DZIP1: variants seen among roughly 807,000 people sequenced by gnomAD.
The protein encoded by DZIP1 is DAZ interacting zinc finger protein 1, also known as cilium assembly protein DZIP1.
Under a neutral mutation model 107.6 loss-of-function variants are expected in DZIP1, and 97 were observed. That is an observed-to-expected ratio of 0.90 (90% CI 0.77 to 1.07). DZIP1 has a LOEUF of 1.07. DZIP1 is among the 50% of genes least tolerant of loss of function. The probability of loss-of-function intolerance (pLI) is 0.00; values close to 1 mark genes in which losing one functional copy is unlikely to be tolerated. For missense variants in DZIP1, 1,035 were observed against 1,063.6 expected (o/e 0.97, Z 0.37); for synonymous variants, 390 against 386.4 (o/e 1.01, Z -0.11).
intron 7 of DZIP1, among the ~76,000 whole-genome samples, chr13:95,627,918 T>G (rs1876735622): frequency 6.6e-6 from 1 of 152,192 alleles, no homozygotes; most frequent in Admixed American, 6.5e-5. Context: ...ATAAACAAAT[T>G]GTCTATGCAT....
intron 11 of DZIP1, 76 bp from the exon 12 acceptor site, chr13:95,611,569 A>G (rs374187637): frequency 2.0e-4 from 238 of 1,186,584 alleles, no homozygotes; most frequent in Non-Finnish European, 2.3e-4. Context: ...TGGACAGATA[A>G]TGTTGTTAGT....
intron 11 of DZIP1, among the ~76,000 whole-genome samples, 156 bp downstream of exon 11, chr13:95,611,881 T>C (rs2045019231): frequency 6.6e-6 from 1 of 152,220 alleles, no homozygotes; most frequent in Non-Finnish European, 1.5e-5. Context: ...TAAAAATGTA[T>C]TTTATTGCAC....
intron 21 of DZIP1, among the ~76,000 whole-genome samples, chr13:95,585,443 T>C (rs2044135754): frequency 6.6e-6 from 1 of 152,218 alleles, no homozygotes; most frequent in African/African-American, 2.4e-5. Context: ...ATAAAAGTAA[T>C]TTGACAAAAT....
intron 16 of DZIP1, among the ~76,000 whole-genome samples, chr13:95,592,888 C>A (rs1255058936): frequency 6.6e-6 from 1 of 152,124 alleles, no homozygotes; most frequent in Non-Finnish European, 1.5e-5. Flanking sequence ...GTGTATGACT[C>A]CACTTTTATG....
intron 8 of DZIP1, 121 bp from the exon 9 acceptor site, chr13:95,622,601 A>G (rs1284650339): frequency 4.9e-6 from 5 of 1,012,846 alleles, no homozygotes; most frequent in Non-Finnish European, 7.4e-6. Context: ...ACGCTCCTGG[A>G]CGCTCTTGGA....
chr13:95,638,636 AACAC>A (rs3051404), intron 5 of DZIP1, among the ~76,000 whole-genome samples: 16 of 149,776 alleles, frequency 1.1e-4, no homozygotes, highest in East Asian at 4.0e-4. Context: ...CCTTATACAC[AACAC>A]ACACACACAC....
Position 95,606,060 on chromosome 13 carries a change from C to T in DZIP1, c.1421-1G>A. The T allele has an allele frequency of 6.2e-7, 1 of 1,613,620 alleles. No homozygotes were observed. The highest frequency in any genetic ancestry group is 8.5e-7 in the Non-Finnish European group (1 of 1,179,792). ...AAAGTGTGCAGGGCTGGGGCATTCA[C>T]TGAAACAGCATAAAAAGGAAAAACT... On this transcript the variant is annotated splice_acceptor_variant, in intron 13 of 22. Transcript: ENST00000376829. LOFTEE classifies it high-confidence loss of function.
intron 14 of DZIP1, among the ~76,000 whole-genome samples, chr13:95,605,242 A>T (rs1001200531): frequency 2.6e-5 from 4 of 152,228 alleles, no homozygotes; most frequent in African/African-American, 7.2e-5. Context: ...CAAAAATGAA[A>T]GAGTGAAATA....
At position 95,610,111 on chromosome 13, in the gene DZIP1, T is replaced by TGTGTGTGTGTGTGTGA. The variant is rs368276400; in HGVS notation, c.1364-599_1364-598insTCACACACACACACAC. Among the ~76,000 whole-genome samples the TGTGTGTGTGTGTGTGA allele has an allele frequency of 1.4e-3, 182 of 126,738 alleles. 2 individuals carry two copies. The highest frequency in any genetic ancestry group is 2.2e-3 in the Non-Finnish European group (126 of 58,220). 83.1% of individuals were successfully genotyped at this position (126,738 alleles called of 152,430 possible). A position where few individuals can be genotyped will look rare whatever the true frequency, so the allele number is the denominator to read the frequency against. On this transcript the variant is annotated intron_variant, in intron 12 of 22. Transcript: ENST00000376829. The stretch of plus-strand genomic sequence containing the variant: ...GTGTGTGTGTGTGTGTGTGTGTGTG[T>TGTGTGTGTGTGTGTGA]GAGAGAGAGACAGAGAGAGAGAGAC...
chr13:95,584,075 C>A (rs2044079670), intron 22 of DZIP1, among the ~76,000 whole-genome samples: 1 of 151,978 alleles, frequency 6.6e-6, no homozygotes, highest in Non-Finnish European at 1.5e-5. Context: ...TTCCCAGGTT[C>A]AAGCAATTCT....
At chr13:95,612,489 A>G (rs1432685479) in intron 10 of DZIP1, among the ~76,000 whole-genome samples, 1 of 152,206 alleles carries the variant, frequency 6.6e-6, no homozygotes, top group Non-Finnish European at 1.5e-5. Context: ...TCTCCTGCAG[A>G]GTGGCTCTGA....
rs1555308785 is a variant in DZIP1 at position 95,610,111 on chromosome 13, TGA to T, written c.1364-600_1364-599del. ...GTGTGTGTGTGTGTGTGTGTGTGTG[TGA>T]GAGAGAGACAGAGAGAGAGAGACAG... On this transcript the variant is annotated intron_variant, in intron 12 of 22. Coordinates refer to ENST00000376829, the MANE Select transcript of DZIP1 (RefSeq NM_198968.4). Among the ~76,000 whole-genome samples the T allele has an allele frequency of 1.8e-4, 23 of 126,770 alleles. No individual in the cohort carries two copies. In the South Asian group the frequency reaches 2.5e-3, roughly 14 times the overall value. 83.2% of individuals were successfully genotyped at this position (126,770 alleles called of 152,430 possible).
chr13:95,637,688 G>A (rs1877983236), intron 5 of DZIP1, among the ~76,000 whole-genome samples: 1 of 151,710 alleles, frequency 6.6e-6, no homozygotes, highest in East Asian at 1.9e-4. Context: ...TAGCAAGAAG[G>A]TGGCTGTTTA....
In DZIP1 at chr13:95,611,371, C is replaced by T. The variant is rs971580428; in HGVS notation, c.1363+74G>A. On this transcript the variant is annotated intron_variant, in intron 12 of 22. Coordinates refer to ENST00000376829, the MANE Select transcript of DZIP1 (RefSeq NM_198968.4). The stretch of plus-strand genomic sequence containing the variant: ...TCTTAGCACACATAAACAAGTGGGG[C>T]CCACATTCTTCTGAAGCCCAGTGCA... The T allele has an allele frequency of 3.5e-6, 4 of 1,152,360 alleles. No homozygotes were observed. The African/African-American group carries it at 4.6e-5, about 13-fold the overall frequency. 71.4% of individuals were successfully genotyped at this position (1,152,360 alleles called of 1,614,324 possible).
Position 95,641,284 on chromosome 13 carries a change from C to A in DZIP1, c.597+11G>T. 6.4e-7 allele frequency: 1 copy of A among 1,564,718 alleles called. No individual in the cohort carries two copies. Among genetic ancestry groups the A allele is most frequent in the Non-Finnish European group, 8.7e-7 (1 of 1,149,766 alleles). Reference sequence around the variant, plus strand: ...CTGGATTATGAATCGTGCTCACACACAGCTGCCCACCTGGTAATAGTTGGC... The same window carrying A: ...CTGGATTATGAATCGTGCTCACACAAAGCTGCCCACCTGGTAATAGTTGGC... On this transcript the variant is annotated intron_variant, in intron 5 of 22. Coordinates refer to ENST00000376829, the MANE Select transcript of DZIP1 (RefSeq NM_198968.4). This position sits in a 1 kb window ranked among gnomAD's most constrained non-coding sequence, Gnocchi z 4.3.
At chr13:95,594,252 G>A (rs1432013201) in intron 15 of DZIP1, among the ~76,000 whole-genome samples, 166 bp from the exon 16 acceptor site, 2 of 152,176 alleles carry the variant, frequency 1.3e-5, no homozygotes, top group African/African-American at 4.8e-5. Flanking sequence ...GAATGCTTAA[G>A]TTATGCAGCT....
At position 95,617,490 on chromosome 13, in the gene DZIP1, C is replaced by A. The variant is rs928889496; in HGVS notation, c.1173+2395G>T. 3.3e-5 allele frequency among the ~76,000 whole-genome samples: 5 copies of A among 152,190 alleles called. No individual in the cohort carries two copies. The South Asian group carries it at 1.0e-3, about 32-fold the overall frequency. On this transcript the variant is annotated intron_variant, in intron 10 of 22. Transcript: ENST00000376829. ...CGGACATTGAGAAGAGAAATACATG[C>A]CATCTTCACCCACTCAATTTGTGGT... is the stretch of plus-strand genomic sequence containing the variant.
chr13:95,594,084 T>A lies in DZIP1; in HGVS notation c.1540A>T (p.Arg514Trp). The A allele has an allele frequency of 6.3e-7, 1 of 1,593,870 alleles. No homozygotes were observed. The highest frequency in any genetic ancestry group is 8.5e-7 in the Non-Finnish European group (1 of 1,171,776). ...TTATTTAATTTCTGTTCATTTTCCC[T>A]TCCTGAAATAAGGTTTTAAAAATGT... ...IEELSEEEKGRENEQKLNNNK... is the reference protein window; with the variant it reads ...IEELSEEEKGWENEQKLNNNK... The change falls in exon 16 of 23, where the codon AGG (arginine) becomes TGG (tryptophan). Residue 514 changes from arginine to tryptophan, a missense_variant and splice_region_variant. Arg to Trp is a moderately radical substitution (Grantham distance 101). Transcript: ENST00000376829.
intron 13 of DZIP1, among the ~76,000 whole-genome samples, chr13:95,607,047 ATTTTATT>A (rs1235354384): frequency 2.6e-3 from 202 of 76,492 alleles, no homozygotes; most frequent in Non-Finnish European, 5.3e-3. Context: ...CTACTTTTTT[ATTTTATT>A]TTTTTTTAAA....
Sources: allele counts gnomAD v4.1 joint callset (sites outside exome capture counted in the v4.1 genomes callset), GRCh38; gene constraint gnomAD v4.1.1; non-coding constraint Gnocchi (gnomAD v3.1); transcripts MANE v1.5; gene names NCBI Gene and HGNC (gene_info 2026-07-23, HGNC 2026-07-21).